The following PCDHA10 variants were observed in gnomAD, a reference collection of about 807,000 sequenced individuals.
PCDHA10 encodes protocadherin alpha 10.
In PCDHA10, 45 loss-of-function variants were observed where a neutral mutation model predicts 61.2. The observed-to-expected ratio is 0.74, with a 90% CI of 0.58 to 0.94. The LOEUF (loss-of-function observed/expected upper bound fraction) is 0.94, where lower values mean the gene tolerates loss of function less well. Ranked by LOEUF, PCDHA10 falls within the 40% of genes least tolerant of loss-of-function variation. The pLI is 0.00. For synonymous variants in PCDHA10, 602 were observed against 548.8 expected (o/e 1.10, Z -1.35); for missense variants, 1,278 against 1,236.2 (o/e 1.03, Z -0.51).
At chr5:140,959,066 G>T (rs913581823) in intron 1 of PCDHA10, among the ~76,000 whole-genome samples, 81 of 152,142 alleles carry the variant, frequency 5.3e-4, no homozygotes, top group African/African-American at 1.9e-3. Flanking sequence ...AGTATATATA[G>T]AATTCAGTAT....
intron 2 of PCDHA10, among the ~76,000 whole-genome samples, chr5:140,979,837 C>T (rs1554241124): frequency 6.6e-6 from 1 of 152,188 alleles, no homozygotes; most frequent in Non-Finnish European, 1.5e-5. Flanking sequence ...AAGAAATAAT[C>T]TTCAAACTTA....
In PCDHA10 at chr5:140,926,166, C is replaced by G. The variant is rs116217295; in HGVS notation, c.2389-52783C>G. 1.9e-3 allele frequency among the ~76,000 whole-genome samples: 292 copies of G among 151,864 alleles called. 1 individual carries two copies. The highest frequency in any genetic ancestry group is 6.7e-3 in the African/African-American group (280 of 41,552). ...AGCGCGGAAAGCTCTGCAGCAGGAT[C>G]CAGCGCGGAAAGCCCCCCGCAGCAC... On this transcript the variant is annotated intron_variant, in intron 1 of 3. Coordinates refer to ENST00000307360, the MANE Select transcript of PCDHA10 (RefSeq NM_018901.4).
chr5:140,950,959 T>C (rs969091651), intron 1 of PCDHA10, among the ~76,000 whole-genome samples: 5 of 152,120 alleles, frequency 3.3e-5, no homozygotes, highest in Non-Finnish European at 5.9e-5. Context: ...TCTATTGATC[T>C]ATTTTCAGAT....
At chr5:140,902,558 T>G (rs2069554536) in intron 1 of PCDHA10, among the ~76,000 whole-genome samples, 2 of 152,242 alleles carry the variant, frequency 1.3e-5, no homozygotes, top group South Asian at 4.1e-4. Context: ...ACCCAGATTT[T>G]TGAGGGTTTT....
chr5:140,886,844 A>AAG (rs2061185449), intron 1 of PCDHA10, among the ~76,000 whole-genome samples: 1 of 150,634 alleles, frequency 6.6e-6, no homozygotes, highest in Non-Finnish European at 1.5e-5. Flanking sequence ...AAAAAAAAAA[A>AAG]AAAGAAAGGT....
intron 1 of PCDHA10, among the ~76,000 whole-genome samples, chr5:140,896,201 C>G (rs1583224545): frequency 6.6e-6 from 1 of 152,344 alleles, no homozygotes; most frequent in African/African-American, 2.4e-5. Context: ...CCATGATGAA[C>G]ATACACATAC....
chr5:141,010,118 T>C lies in PCDHA10; in HGVS notation c.*181T>C. 6.2e-7 allele frequency: 1 copy of C among 1,608,728 alleles called. No homozygotes were observed. The highest frequency in any genetic ancestry group is 8.5e-7 in the Non-Finnish European group (1 of 1,177,116). ...TTAACAGGTTTTGTCGTAAAAGCTT[T>C]ACTAAGTCTGGTGTTAACTCTTTCT... On this transcript the variant is annotated 3_prime_UTR_variant, in exon 4 of 4. Transcript: ENST00000307360.
intron 1 of PCDHA10, among the ~76,000 whole-genome samples, chr5:140,873,086 C>A (rs984385666): frequency 1.3e-5 from 2 of 152,240 alleles, no homozygotes; most frequent in African/African-American, 2.4e-5. Flanking sequence ...ATTTCCCCCC[C>A]GTATAGAGGC....
At chr5:140,926,946 A>G in intron 1 of PCDHA10, 1 of 1,590,228 alleles carries the variant, frequency 6.3e-7, no homozygotes. Context: ...GCGGCGCTGC[A>G]GCGGGACAGC....
intron 1 of PCDHA10, among the ~76,000 whole-genome samples, chr5:140,901,442 T>G (rs1490397176): frequency 6.6e-6 from 1 of 152,206 alleles, no homozygotes; most frequent in Non-Finnish European, 1.5e-5. Flanking sequence ...GATATCTAGT[T>G]TCCCAGCACA....
At chr5:140,997,816 T>C (rs1363819907) in intron 3 of PCDHA10, among the ~76,000 whole-genome samples, 1 of 152,232 alleles carries the variant, frequency 6.6e-6, no homozygotes, top group African/African-American at 2.4e-5. Flanking sequence ...TGTTGGTATC[T>C]ATGTTTTCTA....
At chr5:141,005,113 G>A (rs2098197843) in intron 3 of PCDHA10, among the ~76,000 whole-genome samples, 1 of 152,184 alleles carries the variant, frequency 6.6e-6, no homozygotes, top group South Asian at 2.1e-4. Flanking sequence ...ATTGTCTTTA[G>A]GGACCCCAAA....
At chr5:140,952,513 A>T (rs533436826) in intron 1 of PCDHA10, among the ~76,000 whole-genome samples, 7 of 152,028 alleles carry the variant, frequency 4.6e-5, no homozygotes, top group Non-Finnish European at 8.8e-5. Context: ...CCTCATCTCC[A>T]TCTGAGACCT....
chr5:140,928,788 G>A, intron 1 of PCDHA10: 1 of 1,614,214 alleles, frequency 6.2e-7, no homozygotes, highest in South Asian at 1.1e-5. Flanking sequence ...CAGTTAAGCA[G>A]AGGGTGGTGG....
At position 140,857,912 on chromosome 5, in the gene PCDHA10, C is replaced by A; in HGVS notation, c.1864C>A (p.Arg622Ser). 1.3e-6 allele frequency: 2 copies of A among 1,597,766 alleles called. No individual in the cohort carries two copies. The highest frequency in any genetic ancestry group is 1.3e-5 in the African/African-American group (1 of 74,356). ...GGCGGTTGGTGCACGCATCCCGTTT[C>A]GCGTGGGGCTGTACACGGGCGAGAT... ...SAAVGARIPF[R>S]VGLYTGEIST... The change falls in exon 1 of 4, where the codon CGC becomes AGC. Residue 622 changes from arginine to serine, a missense_variant. By Grantham distance (110) the Arg-to-Ser change is moderately radical. Transcript: ENST00000307360.
Position 140,856,196 on chromosome 5 carries a change from G to T in PCDHA10, c.148G>T (p.Asp50Tyr). The T allele has an allele frequency of 6.3e-7, 1 of 1,598,194 alleles. No individual in the cohort carries two copies. The highest frequency in any genetic ancestry group is 8.6e-7 in the Non-Finnish European group (1 of 1,167,890). ...HGTFVGRIAQ[D>Y]LGLELAELVQ... ...CACCTTCGTGGGCCGCATCGCGCAG[G>T]ACCTGGGGCTGGAGCTGGCGGAGCT... is the stretch of plus-strand genomic sequence containing the variant. Residue 50 changes from aspartate (D) to tyrosine (Y), a missense_variant, in exon 1 of 4, where the codon GAC becomes TAC. By Grantham distance (160) the Asp-to-Tyr change is radical (BLOSUM62 -3). Coordinates refer to ENST00000307360, the MANE Select transcript of PCDHA10 (RefSeq NM_018901.4).
intron 1 of PCDHA10, among the ~76,000 whole-genome samples, chr5:140,936,367 A>G (rs1347774517): frequency 2.0e-5 from 3 of 152,348 alleles, no homozygotes; most frequent in East Asian, 1.9e-4. Flanking sequence ...GCTACTGAGC[A>G]CTTGAAATGT....
intron 1 of PCDHA10, among the ~76,000 whole-genome samples, chr5:140,881,102 T>C (rs1470850677): frequency 1.3e-5 from 2 of 152,230 alleles, no homozygotes; most frequent in African/African-American, 4.8e-5. Flanking sequence ...ATTACACCAT[T>C]TGGCCTGGGA....
At chr5:140,968,106 C>T (rs1554230344) in intron 1 of PCDHA10, 8 of 1,614,016 alleles carry the variant, frequency 5.0e-6, no homozygotes, top group East Asian at 2.2e-5. Flanking sequence ...GGGGGAATAC[C>T]GCAGCTCACA....
Sources: gnomAD v4.1 joint callset for allele counts (sites outside exome capture counted in the v4.1 genomes callset) on GRCh38, gnomAD v4.1.1 for gene constraint, MANE v1.5 for transcripts, NCBI Gene and HGNC (gene_info 2026-07-23, HGNC 2026-07-21) for gene names.